CHD7: variants seen among roughly 807,000 people sequenced by gnomAD.
CHD7 encodes the protein chromodomain helicase DNA binding protein 7, also known as ATP-dependent chromatin remodeler CHD7.
A neutral mutation model predicts 307.3 loss-of-function variants in CHD7; 24 were observed. That is an observed-to-expected ratio of 0.08 (90% CI 0.06 to 0.11). The LOEUF (loss-of-function observed/expected upper bound fraction) is 0.11. Ranked by LOEUF, CHD7 falls within the 10% of genes least tolerant of loss-of-function variation. CHD7 has a pLI of 1.00. For missense variants in CHD7, 3,106 were observed against 3,727.1 expected (o/e 0.83, Z 4.34); for synonymous variants, 1,363 against 1,349.9 (o/e 1.01, Z -0.21).
At chr8:60,745,149 G>C (rs769162548) in intron 2 of CHD7, among the ~76,000 whole-genome samples, 9 of 152,054 alleles carry the variant, frequency 5.9e-5, no homozygotes, top group Non-Finnish European at 1.0e-4. Flanking sequence ...GCAGACCTGG[G>C]TGGCTTTTAG....
At chr8:60,765,458 G>A (rs534517672) in intron 2 of CHD7, among the ~76,000 whole-genome samples, 11 of 152,308 alleles carry the variant, frequency 7.2e-5, no homozygotes, top group Admixed American at 7.2e-4. Context: ...TTGGCCTTGT[G>A]GGAGCACTTG....
At chr8:60,860,220 T>C (rs961910353) in intron 34 of CHD7, among the ~76,000 whole-genome samples, 1 of 152,306 alleles carries the variant, frequency 6.6e-6, no homozygotes, top group South Asian at 2.1e-4. Context: ...GAAATTCCTT[T>C]AGTATAAATT....
In CHD7 at chr8:60,865,826, G is replaced by A. The variant is rs1047837258; in HGVS notation, c.8887G>A (p.Asp2963Asn). 1.2e-6 allele frequency: 2 copies of A among 1,613,888 alleles called. No homozygotes were observed. Among genetic ancestry groups the A allele is most frequent in the East Asian group, 2.2e-5 (1 of 44,886 alleles). Residue 2963 changes from aspartate to asparagine, a missense_variant, in exon 38 of 38, where the codon GAT becomes AAT. Coordinates refer to ENST00000423902, the MANE Select transcript of CHD7 (RefSeq NM_017780.4). The surrounding 1 kb of genome is among the most constrained non-coding windows in gnomAD (Gnocchi z 4.3). ...AGGCAGCGATGCCGAGGAGAGCCTG[G>A]ATAAGACTGCAGAGTCCTCCCTCTT... The part of the protein sequence containing the change: ...LEGSDAEESL[D>N]KTAESSLLED...
intron 1 of CHD7, among the ~76,000 whole-genome samples, chr8:60,690,787 A>G (rs778457898): frequency 6.6e-6 from 1 of 152,172 alleles, no homozygotes; most frequent in African/African-American, 2.4e-5. Context: ...TTGTCTCGGT[A>G]TGGTGAATGG....
chr8:60,756,034 G>A (rs1320186492), intron 2 of CHD7, among the ~76,000 whole-genome samples: 2 of 152,230 alleles, frequency 1.3e-5, no homozygotes, highest in East Asian at 1.9e-4. Context: ...AATGGGGCTA[G>A]TGAGGCTGAA....
At chr8:60,679,675 C>G (rs867589431) in intron 1 of CHD7, 1 of 146,798 alleles carries the variant, frequency 6.8e-6, no homozygotes, top group Non-Finnish European at 1.5e-5. Flanking sequence ...GCCCCCGCCC[C>G]CCGCTCCGGA....
chr8:60,834,768 A>G (rs966884015), intron 15 of CHD7, among the ~76,000 whole-genome samples: 3 of 152,218 alleles, frequency 2.0e-5, no homozygotes, highest in African/African-American at 7.2e-5. Flanking sequence ...AATAGGCTGT[A>G]TTTCTGCATT....
chr8:60,715,751 T>A (rs1490841074), intron 1 of CHD7, among the ~76,000 whole-genome samples: 1 of 151,046 alleles, frequency 6.6e-6, no homozygotes, highest in Non-Finnish European at 1.5e-5. Context: ...ATGGCAATAC[T>A]CTACCTTAGA....
chr8:60,782,707 A>G (rs759158455), intron 3 of CHD7, among the ~76,000 whole-genome samples: 4 of 152,214 alleles, frequency 2.6e-5, no homozygotes, highest in Admixed American at 6.5e-5. Flanking sequence ...CTTTGTGAAC[A>G]TGTTTTTAAA....
rs148577619 is a variant in CHD7 at position 60,742,968 on chromosome 8, A to G, written c.1536A>G (p.Pro512=). ...AACAGCCATCTTTTCAGCAGTTGCCAACCTGTCCTCCACTGCAGCCTCACC... is the reference window on the plus strand; with the variant it reads ...AACAGCCATCTTTTCAGCAGTTGCCGACCTGTCCTCCACTGCAGCCTCACC... The part of the protein sequence containing the change: ...PGQQPSFQQL[P]TCPPLQPHPG... The change falls in exon 2 of 38, where the codon CCA becomes CCG. Residue 512 remains proline (P), a synonymous_variant. Transcript: ENST00000423902. 3.8e-4 allele frequency: 621 copies of G among 1,613,642 alleles called. 5 individuals carry two copies. In the African/African-American group the frequency reaches 6.8e-3, roughly 18 times the overall value.
intron 3 of CHD7, among the ~76,000 whole-genome samples, chr8:60,790,614 T>C (rs1261588442): frequency 1.3e-5 from 2 of 152,180 alleles, no homozygotes; most frequent in Non-Finnish European, 2.9e-5. Flanking sequence ...CTATGTATGT[T>C]TCTGCTGTTG....
intron 1 of CHD7, among the ~76,000 whole-genome samples, chr8:60,719,130 T>A (rs1269212531): frequency 6.6e-6 from 1 of 152,254 alleles, no homozygotes; most frequent in African/African-American, 2.4e-5. Flanking sequence ...CACATGACTA[T>A]GTTTACAGGT....
rs1404263865 is a variant in CHD7 at position 60,741,277 on chromosome 8, G to A, written c.-156G>A. ...CTTCCAGGACCTATATCCAGACTTT[G>A]CCTGACACTGCAGGGTCCAAGAGAA... On this transcript the variant is annotated 5_prime_UTR_variant, in exon 2 of 38. Transcript: ENST00000423902. 9 of 636,898 alleles carry A rather than the reference G, an allele frequency of 1.4e-5. No homozygotes were observed. Among genetic ancestry groups the A allele is most frequent in the Non-Finnish European group, 2.2e-5 (8 of 365,480 alleles). The allele number at this position is 636,898 out of a possible 1,614,324, so 39.5% of individuals were successfully genotyped here. A position where few individuals can be genotyped will look rare whatever the true frequency, so the allele number is the denominator to read the frequency against.
At chr8:60,711,118 A>G (rs1214794466) in intron 1 of CHD7, among the ~76,000 whole-genome samples, 1 of 152,168 alleles carries the variant, frequency 6.6e-6, no homozygotes, top group Non-Finnish European at 1.5e-5. Flanking sequence ...ATGTACAAGT[A>G]CCTCTAAGAT....
At chr8:60,689,187 A>G (rs1806070011) in intron 1 of CHD7, among the ~76,000 whole-genome samples, 3 of 152,232 alleles carry the variant, frequency 2.0e-5, no homozygotes, top group African/African-American at 7.2e-5. Flanking sequence ...GTCAAAAAGT[A>G]AATAACTGGT....
chr8:60,799,127 CGAT>C (rs1414002676), intron 4 of CHD7, among the ~76,000 whole-genome samples: 15 of 152,284 alleles, frequency 9.9e-5, no homozygotes, highest in African/African-American at 3.4e-4. Context: ...GTTAATATAT[CGAT>C]GAACTGCACG....
chr8:60,810,378 AGAGT>A (rs980209537), intron 7 of CHD7, among the ~76,000 whole-genome samples: 17 of 133,376 alleles, frequency 1.3e-4, no homozygotes, highest in African/African-American at 4.3e-4. Flanking sequence ...GGAGAGAGAG[AGAGT>A]GTGTGTGTGT....
intron 2 of CHD7, among the ~76,000 whole-genome samples, chr8:60,770,359 A>T (rs1342376731): frequency 6.6e-6 from 1 of 151,732 alleles, no homozygotes; most frequent in African/African-American, 2.4e-5. Context: ...AGATTCAATT[A>T]TAATAATTTT....
At chr8:60,716,509 T>G (rs1807607990) in intron 1 of CHD7, among the ~76,000 whole-genome samples, 1 of 152,204 alleles carries the variant, frequency 6.6e-6, no homozygotes, top group African/African-American at 2.4e-5. Context: ...CAGGGCCTCG[T>G]AGGGCCTGCT....
Sources: gnomAD v4.1 joint callset for allele counts (sites outside exome capture counted in the v4.1 genomes callset) on GRCh38, gnomAD v4.1.1 for gene constraint, Gnocchi (gnomAD v3.1) non-coding constraint, MANE v1.5 for transcripts, NCBI Gene and HGNC (gene_info 2026-07-23, HGNC 2026-07-21) for gene names.